Variants in PKNOX2 observed in about 807,000 individuals in gnomAD.
PKNOX2 encodes the protein PBX/knotted 1 homeobox 2, also known as homeobox protein PKNOX2.
In PKNOX2, 14 loss-of-function variants were observed where a neutral mutation model predicts 53.1. The ratio of observed to expected loss-of-function variants is 0.26; its 90% CI spans 0.17 to 0.41. PKNOX2 has a LOEUF of 0.41. Among genes scored for constraint, PKNOX2 ranks in the 10% least tolerant of loss-of-function variants. The probability of loss-of-function intolerance (pLI) is 1.00; values close to 1 mark genes in which losing one functional copy is unlikely to be tolerated. For missense variants in PKNOX2, 496 were observed against 602.8 expected, an observed-to-expected ratio of 0.82 and a Z score of 1.85; for synonymous variants, 257 against 242.8, an observed-to-expected ratio of 1.06 and a Z score of -0.54.
chr11:125,308,686 A>AC (rs71042485), intron 2 of PKNOX2, among the ~76,000 whole-genome samples: 41,580 of 151,928 alleles, frequency 0.27, 7,266 homozygotes, highest in East Asian at 0.51. Flanking sequence ...ACCTGGTTTA[A>AC]CTGCCGTGCT....
At chr11:125,374,966 C>T (rs1237969802) in intron 5 of PKNOX2, among the ~76,000 whole-genome samples, 1 of 151,796 alleles carries the variant, frequency 6.6e-6, no homozygotes, top group Admixed American at 6.6e-5. Context: ...GGGAGGAGAA[C>T]AGAAAGCTGG....
At chr11:125,294,458 G>A (rs577266127) in intron 2 of PKNOX2, among the ~76,000 whole-genome samples, 9 of 152,328 alleles carry the variant, frequency 5.9e-5, no homozygotes, top group East Asian at 3.9e-4. Flanking sequence ...GGGAGAAGTC[G>A]GGCTTGGAGG....
chr11:125,202,138 G>T (rs987647467), intron 1 of PKNOX2, among the ~76,000 whole-genome samples: 9 of 152,208 alleles, frequency 5.9e-5, no homozygotes, highest in Non-Finnish European at 1.2e-4. Flanking sequence ...GAGGGGGAAA[G>T]TTCATGTTAT....
At chr11:125,360,553 G>T (rs982621461) in intron 4 of PKNOX2, among the ~76,000 whole-genome samples, 1 of 152,128 alleles carries the variant, frequency 6.6e-6, no homozygotes, top group Non-Finnish European at 1.5e-5. Context: ...AGCTGGTAAC[G>T]CATAATGTAA....
chr11:125,289,407 G>A (rs1433306407), intron 2 of PKNOX2, among the ~76,000 whole-genome samples: 2 of 152,208 alleles, frequency 1.3e-5, no homozygotes, highest in African/African-American at 4.8e-5. Context: ...AATCTTCTGA[G>A]GTCACTTTGA....
chr11:125,249,184 T>C (rs989276044), intron 2 of PKNOX2, among the ~76,000 whole-genome samples: 3 of 151,936 alleles, frequency 2.0e-5, no homozygotes, highest in African/African-American at 7.2e-5. Flanking sequence ...TCTCCGGGTC[T>C]TAGGACATGG....
At chr11:125,424,939 G>C (rs1956336520) in intron 10 of PKNOX2, among the ~76,000 whole-genome samples, 1 of 152,242 alleles carries the variant, frequency 6.6e-6, no homozygotes, top group African/African-American at 2.4e-5. Flanking sequence ...GGAGGTATCA[G>C]AGAGAGATGG....
intron 1 of PKNOX2, among the ~76,000 whole-genome samples, chr11:125,195,511 C>T (rs557698402): frequency 9.9e-5 from 15 of 152,012 alleles, no homozygotes; most frequent in African/African-American, 3.6e-4. Context: ...GGTCGAGGGT[C>T]CTGGTTTGTG....
At chr11:125,316,847 C>T (rs1200938852) in intron 2 of PKNOX2, among the ~76,000 whole-genome samples, 3 of 152,166 alleles carry the variant, frequency 2.0e-5, no homozygotes, top group Non-Finnish European at 4.4e-5. Context: ...AATAAGACAA[C>T]AATGAAGTTT....
intron 2 of PKNOX2, among the ~76,000 whole-genome samples, chr11:125,287,069 CCTTTCT>C (rs1277836390): frequency 8.5e-5 from 13 of 152,206 alleles, no homozygotes; most frequent in African/African-American, 3.1e-4. Context: ...TTGTCTCTGA[CCTTTCT>C]CTTTCTCAGG....
chr11:125,368,192 G>T (rs1023140390), intron 5 of PKNOX2, among the ~76,000 whole-genome samples: 4 of 152,236 alleles, frequency 2.6e-5, no homozygotes, highest in Non-Finnish European at 5.9e-5. Context: ...GTCTAGGGAA[G>T]GATATGGAGG....
chr11:125,300,107 G>T (rs889885182), intron 2 of PKNOX2, among the ~76,000 whole-genome samples: 1 of 152,224 alleles, frequency 6.6e-6, no homozygotes, highest in African/African-American at 2.4e-5. Context: ...CCGTGTGAGC[G>T]GTTGGAGAGG....
chr11:125,366,240 G>T (rs113815906), intron 4 of PKNOX2, among the ~76,000 whole-genome samples: 29 of 152,292 alleles, frequency 1.9e-4, no homozygotes, highest in African/African-American at 5.1e-4. Flanking sequence ...TCAAGCAATT[G>T]TCTTCTGGCT....
chr11:125,282,618 A>G (rs1476531602), intron 2 of PKNOX2, among the ~76,000 whole-genome samples: 2 of 152,210 alleles, frequency 1.3e-5, no homozygotes, highest in African/African-American at 4.8e-5. Context: ...TCTGTCATCC[A>G]ATGAGGGAAA....
chr11:125,429,211 A>C, intron 11 of PKNOX2, 123 bp downstream of exon 11: 1 of 917,196 alleles, frequency 1.1e-6, no homozygotes, highest in Non-Finnish European at 1.7e-6. Flanking sequence ...CCCAGCTACC[A>C]TGCCAGTCCC....
chr11:125,226,073 C>T (rs1941658897), intron 1 of PKNOX2, among the ~76,000 whole-genome samples: 1 of 152,202 alleles, frequency 6.6e-6, no homozygotes, highest in Admixed American at 6.5e-5. Context: ...TGTGAACCAA[C>T]AACAGCAATA....
intron 1 of PKNOX2, among the ~76,000 whole-genome samples, chr11:125,210,184 C>G (rs1377538680): frequency 6.6e-6 from 1 of 152,136 alleles, no homozygotes; most frequent in Non-Finnish European, 1.5e-5. Context: ...ATCCTTTGAT[C>G]TGGGAGTCCT....
In PKNOX2 at chr11:125,240,017, G is replaced by GC. The variant is rs1405611185; in HGVS notation, c.-130+4903dup. The GC allele has an allele frequency of 6.6e-6, 1 of 152,264 alleles. No homozygotes were observed. Among genetic ancestry groups the GC allele is most frequent in the Non-Finnish European group, 1.5e-5 (1 of 68,056 alleles). 9.4% of individuals were successfully genotyped at this position (152,264 alleles called of 1,614,324 possible). On this transcript the variant is annotated intron_variant, in intron 2 of 12. Coordinates refer to ENST00000298282, the MANE Select transcript of PKNOX2 (RefSeq NM_001382323.2). The surrounding 1 kb of genome is among the most constrained non-coding windows in gnomAD (Gnocchi z 4.3). The stretch of plus-strand genomic sequence containing the variant: ...CTGTTCTGTGATTCCTGCCTCCTGA[G>GC]CTAGGAGATTGCAATTTACATTATG...
chr11:125,347,389 GC>G (rs1205068410), intron 3 of PKNOX2, among the ~76,000 whole-genome samples: 1 of 152,206 alleles, frequency 6.6e-6, no homozygotes, highest in Admixed American at 6.5e-5. Flanking sequence ...ACCCCTTTGT[GC>G]CCCAGGCCAT....
Sources: allele counts gnomAD v4.1 joint callset (sites outside exome capture counted in the v4.1 genomes callset), GRCh38; gene constraint gnomAD v4.1.1; non-coding constraint Gnocchi (gnomAD v3.1); transcripts MANE v1.5; gene names NCBI Gene and HGNC (gene_info 2026-07-23, HGNC 2026-07-21).